COG1: variants seen among roughly 807,000 people sequenced by gnomAD.
COG1 encodes conserved oligomeric Golgi complex subunit 1.
Under a neutral mutation model 102.2 loss-of-function variants are expected in COG1, and 61 were observed. That is an observed-to-expected ratio of 0.60 (90% CI 0.49 to 0.74). The LOEUF (loss-of-function observed/expected upper bound fraction) is 0.74, where lower values mean the gene tolerates loss of function less well. Ranked by LOEUF, COG1 falls within the 30% of genes least tolerant of loss-of-function variation. The probability of loss-of-function intolerance (pLI) is 0.00; values close to 1 mark genes in which losing one functional copy is unlikely to be tolerated. For synonymous variants in COG1, 454 were observed against 493.6 expected (o/e 0.92, Z 1.06); for missense variants, 1,164 against 1,232.1 (o/e 0.94, Z 0.83).
In COG1 at chr17:73,197,904, C is replaced by T. The variant is rs1156350212; in HGVS notation, c.913+508C>T. Among the ~76,000 whole-genome samples, 5 of 152,302 alleles carry T rather than the reference C, an allele frequency of 3.3e-5. No individual in the cohort carries two copies. The South Asian group carries it at 8.3e-4, about 25-fold the overall frequency. On this transcript the variant is annotated intron_variant, in intron 4 of 13. Transcript: ENST00000299886. ...GCCAGATAATGCCCAGCCTTGTGAG[C>T]GAGGCTAGGGAATTTAGACTTTATC...
chr17:73,207,154 A>G (rs1218307569), intron 12 of COG1, 27 bp from the exon 13 acceptor site: 29 of 1,596,366 alleles, frequency 1.8e-5, no homozygotes, highest in Non-Finnish European at 2.3e-5. Flanking sequence ...TGTTTGTGCT[A>G]CTAAATTCTT....
Position 73,203,759 on chromosome 17 carries a change from C to T in COG1, c.2348C>T (p.Ala783Val), listed in dbSNP as rs868375767. 3.1e-6 allele frequency: 5 copies of T among 1,614,188 alleles called. No homozygotes were observed. In the South Asian group the frequency reaches 5.5e-5, roughly 18 times the overall value. The change falls in exon 9 of 14, where the codon GCC becomes GTC. Residue 783 changes from alanine to valine, a missense_variant. Ala to Val is a moderately conservative substitution (Grantham distance 64, BLOSUM62 0). Coordinates refer to ENST00000299886, the MANE Select transcript of COG1 (RefSeq NM_018714.3). ...LKSCMVQVVA[A>V]YEKLSEEKQI... ...AGCTGTATGGTTCAAGTAGTAGCTG[C>T]CTATGAGAAACTCTCCGAAGAAAAA...
intron 11 of COG1, 126 bp downstream of exon 11, chr17:73,206,388 C>G (rs553520540): frequency 8.7e-6 from 7 of 803,408 alleles, no homozygotes; most frequent in Admixed American, 5.8e-5. Flanking sequence ...CACAAATAGC[C>G]GAGTGTAGTT....
At chr17:73,199,757 A>C in intron 4 of COG1, 108 bp from the exon 5 acceptor site, 2 of 1,297,758 alleles carry the variant, frequency 1.5e-6, no homozygotes, top group Non-Finnish European at 2.2e-6. Flanking sequence ...TCTTTTTTGT[A>C]GAGGTGAGGT....
At chr17:73,195,400 C>G (rs1454431333) in intron 1 of COG1, among the ~76,000 whole-genome samples, 4 of 152,054 alleles carry the variant, frequency 2.6e-5, no homozygotes, top group Non-Finnish European at 2.9e-5. Flanking sequence ...ATTGCTTGAT[C>G]ACAGGAGTTT....
intron 6 of COG1, 104 bp downstream of exon 6, chr17:73,200,880 G>A: frequency 8.8e-7 from 1 of 1,130,480 alleles, no homozygotes; most frequent in Non-Finnish European, 1.3e-6. Flanking sequence ...TTCTTTTCCT[G>A]CTTAGTAACA....
chr17:73,193,159 C>G lies in COG1; in HGVS notation c.90C>G (p.Ile30Met). The G allele has an allele frequency of 6.2e-7, 1 of 1,608,752 alleles. No homozygotes were observed. Among genetic ancestry groups the G allele is most frequent in the Non-Finnish European group, 8.5e-7 (1 of 1,178,264 alleles). Residue 30 changes from isoleucine to methionine, a missense_variant, in exon 1 of 14, where the codon ATC (isoleucine) becomes ATG (methionine). Coordinates refer to ENST00000299886, the MANE Select transcript of COG1 (RefSeq NM_018714.3). ...ALFETHGAEE[I>M]RGLERQVRAE... Reference sequence around the variant, plus strand: ...TCGAGACGCATGGAGCGGAGGAGATCCGCGGGCTGGAGCGCCAGGTTCGGG... The same window carrying G: ...TCGAGACGCATGGAGCGGAGGAGATGCGCGGGCTGGAGCGCCAGGTTCGGG...
At chr17:73,206,288 G>A (rs1038728759) in intron 11 of COG1, 26 bp downstream of exon 11, 3 of 1,569,346 alleles carry the variant, frequency 1.9e-6, no homozygotes, top group African/African-American at 1.4e-5. Context: ...AACATGCTTA[G>A]TGCGAACGAA....
Position 73,206,967 on chromosome 17 carries a change from C to T in COG1, c.2729+150C>T, listed in dbSNP as rs574432655. Reference sequence around the variant, plus strand: ...AAATTAGCTGGCCTGGTGGCAGGTGCCTATAGTCCCAGCTATTCAGGAGGC... The same window carrying T: ...AAATTAGCTGGCCTGGTGGCAGGTGTCTATAGTCCCAGCTATTCAGGAGGC... On this transcript the variant is annotated intron_variant, in intron 12 of 13. Transcript: ENST00000299886. 4 of 717,652 alleles carry T rather than the reference C, an allele frequency of 5.6e-6. No homozygotes were observed. The South Asian group carries it at 6.6e-5, about 12-fold the overall frequency. 44.5% of individuals were successfully genotyped at this position (717,652 alleles called of 1,614,324 possible). A position where few individuals can be genotyped will look rare whatever the true frequency, so the allele number is the denominator to read the frequency against.
intron 1 of COG1, among the ~76,000 whole-genome samples, chr17:73,195,149 A>G (rs1283781018): frequency 1.3e-5 from 2 of 152,190 alleles, no homozygotes; most frequent in Non-Finnish European, 2.9e-5. Context: ...TTAGAAACGT[A>G]TTGATTTTCA....
At chr17:73,193,485 A>T in intron 1 of COG1, 101 bp downstream of exon 1, 1 of 1,211,298 alleles carries the variant, frequency 8.3e-7, no homozygotes, top group Non-Finnish European at 1.1e-6. Context: ...AGACCCCGCG[A>T]GTCCTCACCT....
At position 73,196,696 on chromosome 17, in the gene COG1, G is replaced by A. The variant is rs761121843; in HGVS notation, c.505G>A (p.Val169Ile). ...LDSSSSRYSP[V>I]LSRFPILIRQ... is the part of the protein sequence containing the mutation. ...TTCTTCTAGTTCCCGATACAGTCCC[G>A]TCCTCTCCCGGTTTCCTATACTCAT... The change falls in exon 2 of 14, where the codon GTC becomes ATC. Residue 169 changes from valine to isoleucine, a missense_variant. By Grantham distance (29) the Val-to-Ile change is conservative. Transcript: ENST00000299886. 33 of 1,614,090 alleles carry A rather than the reference G, an allele frequency of 2.0e-5. No homozygotes were observed. Among genetic ancestry groups the A allele is most frequent in the East Asian group, 4.5e-5 (2 of 44,882 alleles).
At position 73,193,149 on chromosome 17, in the gene COG1, C is replaced by T. The variant is rs2061309046; in HGVS notation, c.80C>T (p.Ala27Val). ...GCGGCTCTTTTCGAGACGCATGGAG[C>T]GGAGGAGATCCGCGGGCTGGAGCGC... is the stretch of plus-strand genomic sequence containing the variant. ...DPAALFETHG[A>V]EEIRGLERQV... The change falls in exon 1 of 14, where the codon GCG becomes GTG. Residue 27 changes from alanine to valine, a missense_variant. Ala to Val is a moderately conservative substitution (Grantham distance 64, BLOSUM62 0). Coordinates refer to ENST00000299886, the MANE Select transcript of COG1 (RefSeq NM_018714.3). The T allele has an allele frequency of 6.2e-7, 1 of 1,609,382 alleles. No individual in the cohort carries two copies. Among genetic ancestry groups the T allele is most frequent in the Non-Finnish European group, 8.5e-7 (1 of 1,178,646 alleles).
rs117344829 is a variant in COG1 at position 73,200,000 on chromosome 17, C to G, written c.1049C>G (p.Thr350Arg). Residue 350 changes from threonine (T) to arginine (R), a missense_variant, in exon 5 of 14, where the codon ACG (threonine) becomes AGG (arginine). Coordinates refer to ENST00000299886, the MANE Select transcript of COG1 (RefSeq NM_018714.3). ...HPISQEYLKD[T>R]LQKWIHMCNE... ...ATCAGTCAGGAATACCTGAAAGACACGCTGCAGAAATGGATCCACATGTAA... is the reference window on the plus strand; with the variant it reads ...ATCAGTCAGGAATACCTGAAAGACAGGCTGCAGAAATGGATCCACATGTAA... 6.2e-7 allele frequency: 1 copy of G among 1,613,190 alleles called. No individual in the cohort carries two copies.
chr17:73,205,527 G>C (rs2061365639), intron 9 of COG1, 26 bp from the exon 10 acceptor site: 1 of 1,613,702 alleles, frequency 6.2e-7, no homozygotes, highest in African/African-American at 1.3e-5. Flanking sequence ...TCTCTTCATG[G>C]GTGGGGACTG....
rs769310036 is a variant in COG1, at chr17:73,201,584, G to A, written c.1757G>A (p.Arg586Gln). ...ACIKHIVDCI[R>Q]AELQSIEEGV... ...ATCAAGCACATCGTGGACTGCATCC[G>A]GGCAGAGCTACAGAGCATTGAAGAG... Residue 586 changes from arginine (R) to glutamine (Q), a missense_variant, in exon 7 of 14, where the codon CGG becomes CAG. Physicochemically the swap from Arg to Gln is conservative, Grantham distance 43. Coordinates refer to ENST00000299886, the MANE Select transcript of COG1 (RefSeq NM_018714.3). The A allele has an allele frequency of 2.9e-5, 47 of 1,614,068 alleles. No individual in the cohort carries two copies. Among genetic ancestry groups the A allele is most frequent in the Admixed American group, 1.0e-4 (6 of 59,996 alleles).
chr17:73,204,151 A>C (rs1309040833), intron 9 of COG1, among the ~76,000 whole-genome samples: 1 of 152,176 alleles, frequency 6.6e-6, no homozygotes, highest in Non-Finnish European at 1.5e-5. Flanking sequence ...GCGACAAAGC[A>C]AGACCCTGTC....
chr17:73,197,695 C>A (rs2061331231), intron 4 of COG1, among the ~76,000 whole-genome samples: 1 of 152,168 alleles, frequency 6.6e-6, no homozygotes, highest in Non-Finnish European at 1.5e-5. Context: ...CCTGGAGAAG[C>A]CTTTAACCTG....
chr17:73,203,515 T>C, intron 8 of COG1, 117 bp from the exon 9 acceptor site: 1 of 1,253,258 alleles, frequency 8.0e-7, no homozygotes, highest in Non-Finnish European at 1.2e-6. Context: ...TAAGAAGCGT[T>C]GCTGAGAGGG....
Sources: allele counts gnomAD v4.1 joint callset (sites outside exome capture counted in the v4.1 genomes callset), GRCh38; gene constraint gnomAD v4.1.1; transcripts MANE v1.5; gene names NCBI Gene and HGNC (gene_info 2026-07-23, HGNC 2026-07-21).